PSD3: variants seen among roughly 807,000 people sequenced by gnomAD.
PSD3 encodes PH and SEC7 domain-containing protein 3.
In PSD3, 49 loss-of-function variants were observed where a neutral mutation model predicts 105.5. The observed-to-expected ratio is 0.46, with a 90% CI of 0.37 to 0.59. PSD3 has a LOEUF of 0.59. Ranked by LOEUF, PSD3 falls within the 20% of genes least tolerant of loss-of-function variation. The pLI is 0.00. For synonymous variants in PSD3, 557 were observed against 457.8 expected (o/e 1.22, Z -2.77); for missense variants, 1,561 against 1,263.8 (o/e 1.24, Z -3.57).
At chr8:18,803,013 C>G (rs925842449) in intron 6 of PSD3, 1 of 153,076 alleles carries the variant, frequency 6.5e-6, no homozygotes, top group Non-Finnish European at 1.5e-5. Context: ...GGGCTAGGTG[C>G]GGTGGCTCAC....
chr8:18,570,599 C>T (rs554907461), intron 14 of PSD3, among the ~76,000 whole-genome samples: 2 of 147,172 alleles, frequency 1.4e-5, no homozygotes, highest in African/African-American at 5.0e-5. Flanking sequence ...TATCCAGAAT[C>T]TACAATGAAT....
chr8:18,777,696 T>G (rs901157558), intron 8 of PSD3, among the ~76,000 whole-genome samples: 1 of 152,230 alleles, frequency 6.6e-6, no homozygotes, highest in African/African-American at 2.4e-5. Context: ...TCCAGCTATT[T>G]TGAAATATTC....
intron 2 of PSD3, among the ~76,000 whole-genome samples, chr8:18,921,603 A>G (rs1821025597): frequency 6.6e-6 from 1 of 152,232 alleles, no homozygotes; most frequent in Non-Finnish European, 1.5e-5. Context: ...GAACAAAAAA[A>G]TGGCAGGTTT....
At chr8:18,876,567 T>C (rs1029227745) in intron 2 of PSD3, among the ~76,000 whole-genome samples, 1 of 151,766 alleles carries the variant, frequency 6.6e-6, no homozygotes, top group Non-Finnish European at 1.5e-5. Context: ...TAATTTTTCT[T>C]TTTTTTTCTT....
intron 14 of PSD3, among the ~76,000 whole-genome samples, chr8:18,562,415 G>A (rs1801449237): frequency 6.6e-6 from 1 of 152,220 alleles, no homozygotes; most frequent in Admixed American, 6.5e-5. Flanking sequence ...ACAGCCTTCT[G>A]AAATCCAAAG....
intron 9 of PSD3, among the ~76,000 whole-genome samples, chr8:18,747,955 A>C (rs906387989): frequency 1.3e-5 from 2 of 152,172 alleles, no homozygotes; most frequent in African/African-American, 4.8e-5. Flanking sequence ...GAGAGGGAGA[A>C]AGGTTTGGAA....
intron 1 of PSD3, among the ~76,000 whole-genome samples, chr8:18,960,702 G>C (rs1019916282): frequency 6.6e-6 from 1 of 152,030 alleles, no homozygotes; most frequent in Non-Finnish European, 1.5e-5. Flanking sequence ...GAATAACGAA[G>C]ACAATTTAAA....
chr8:18,802,997 C>T (rs777215648), intron 6 of PSD3, among the ~76,000 whole-genome samples: 3 of 152,080 alleles, frequency 2.0e-5, no homozygotes, highest in Non-Finnish European at 4.4e-5. Context: ...CCTTAAAAGG[C>T]TATTGGGGCT....
intron 8 of PSD3, among the ~76,000 whole-genome samples, chr8:18,786,046 C>T (rs561241312): frequency 3.3e-5 from 5 of 152,176 alleles, no homozygotes; most frequent in South Asian, 2.1e-4. Context: ...AAATGAGATA[C>T]GCCTATACTT....
At chr8:18,988,027 G>C (rs1220516693) in intron 1 of PSD3, among the ~76,000 whole-genome samples, 1 of 137,828 alleles carries the variant, frequency 7.3e-6, no homozygotes, top group Non-Finnish European at 1.7e-5. Flanking sequence ...GCCCTTAATT[G>C]CTAGATATAC....
chr8:18,568,753 T>C (rs934515188), intron 14 of PSD3, among the ~76,000 whole-genome samples: 1 of 152,092 alleles, frequency 6.6e-6, no homozygotes, highest in African/African-American at 2.4e-5. Context: ...ATGTGCACAA[T>C]GTGCAGGTTA....
At chr8:19,082,294 T>A (rs890412055) in intron 1 of PSD3, among the ~76,000 whole-genome samples, 1 of 152,234 alleles carries the variant, frequency 6.6e-6, no homozygotes, top group African/African-American at 2.4e-5. Context: ...TGACCACCTC[T>A]GACTCCATGG....
intron 14 of PSD3, among the ~76,000 whole-genome samples, chr8:18,562,500 G>A (rs1801455023): frequency 1.3e-5 from 2 of 152,162 alleles, no homozygotes; most frequent in South Asian, 4.1e-4. Flanking sequence ...CAGAGCTCTT[G>A]GTAAACTCCA....
intron 10 of PSD3, among the ~76,000 whole-genome samples, chr8:18,635,913 G>A (rs1198581005): frequency 6.6e-6 from 1 of 151,890 alleles, no homozygotes; most frequent in African/African-American, 2.4e-5. Flanking sequence ...GGGGAGGGAG[G>A]AGAGCATTAG....
chr8:18,702,482 T>G (rs544155562), intron 9 of PSD3, among the ~76,000 whole-genome samples: 2 of 152,220 alleles, frequency 1.3e-5, no homozygotes, highest in African/African-American at 2.4e-5. Context: ...GTGTGTTCTT[T>G]TGACACATAT....
chr8:18,643,957 G>C lies in PSD3; in HGVS notation c.2217-11151C>G, dbSNP rs557147176. Among the ~76,000 whole-genome samples the C allele has an allele frequency of 8.5e-5, 13 of 152,344 alleles. No individual in the cohort carries two copies. In the East Asian group the frequency reaches 2.3e-3, roughly 27 times the overall value. ...GCTAGGCCGGCTTACACCACGGCTG[G>C]GGTAGCCAAGGAATGCTGTGCCAGA... On this transcript the variant is annotated intron_variant, in intron 10 of 15. Coordinates refer to ENST00000327040, the MANE Select transcript of PSD3 (RefSeq NM_015310.4).
At chr8:19,081,311 A>G (rs1233514004) in intron 1 of PSD3, among the ~76,000 whole-genome samples, 1 of 152,058 alleles carries the variant, frequency 6.6e-6, no homozygotes, top group African/African-American at 2.4e-5. Flanking sequence ...TCTTTCTCCC[A>G]CCCTCTCCAC....
intron 6 of PSD3, chr8:18,804,223 C>G (rs550884054): frequency 7.8e-6 from 2 of 256,914 alleles, no homozygotes; most frequent in African/African-American, 4.4e-5. Context: ...CAGAGATGCT[C>G]CAAAATCTAC....
At chr8:18,627,434 G>T (rs950058267) in intron 11 of PSD3, among the ~76,000 whole-genome samples, 20 of 152,102 alleles carry the variant, frequency 1.3e-4, no homozygotes, top group South Asian at 4.1e-4. Flanking sequence ...ATAATTCAAG[G>T]CATGGGAAAA....
Sources: allele counts gnomAD v4.1 joint callset (sites outside exome capture counted in the v4.1 genomes callset), GRCh38; gene constraint gnomAD v4.1.1; transcripts MANE v1.5; gene names NCBI Gene and HGNC (gene_info 2026-07-23, HGNC 2026-07-21).